The following FOXN2 variants were observed in gnomAD, a reference collection of about 807,000 sequenced individuals.
The protein encoded by FOXN2 is forkhead box protein N2.
Under a neutral mutation model 41.2 loss-of-function variants are expected in FOXN2, and 19 were observed. The observed-to-expected ratio is 0.46, with a 90% CI of 0.32 to 0.68. FOXN2 has a LOEUF of 0.68. FOXN2 is among the 30% of genes least tolerant of loss of function. The probability of loss-of-function intolerance (pLI) is 0.03; values close to 1 mark genes in which losing one functional copy is unlikely to be tolerated. For missense variants in FOXN2, 587 were observed against 509.4 expected (o/e 1.15, Z -1.47); for synonymous variants, 195 against 176.8 (o/e 1.10, Z -0.82).
chr2:48,322,261 AAATT>A (rs755332909), intron 1 of FOXN2, among the ~76,000 whole-genome samples: 123 of 152,246 alleles, frequency 8.1e-4, no homozygotes, highest in Non-Finnish European at 1.1e-3. Context: ...AGGTAGATTT[AAATT>A]AATAGCAGCA....
At chr2:48,325,493 A>C (rs1669600765) in intron 1 of FOXN2, among the ~76,000 whole-genome samples, 1 of 152,234 alleles carries the variant, frequency 6.6e-6, no homozygotes, top group Non-Finnish European at 1.5e-5. Context: ...AAATACCGAA[A>C]GGAAATGTAG....
intron 5 of FOXN2, among the ~76,000 whole-genome samples, chr2:48,371,524 T>G (rs1672894397): frequency 6.6e-6 from 1 of 152,178 alleles, no homozygotes; most frequent in Admixed American, 6.5e-5. Context: ...TTGTAGTATA[T>G]TTTGAGGTCT....
intron 5 of FOXN2, among the ~76,000 whole-genome samples, chr2:48,369,251 A>C (rs1332136724): frequency 6.6e-6 from 1 of 152,198 alleles, no homozygotes; most frequent in East Asian, 1.9e-4. Context: ...AAAAGAAGTG[A>C]AGTTAGGCCA....
chr2:48,340,703 C>G (rs527520689), intron 2 of FOXN2: 148 of 152,150 alleles, frequency 9.7e-4, no homozygotes, highest in African/African-American at 3.4e-3. Flanking sequence ...TAGAGACTGT[C>G]AAAAATTGCC....
chr2:48,346,084 T>TG, intron 2 of FOXN2, 117 bp from the exon 3 acceptor site: 1 of 777,310 alleles, frequency 1.3e-6, no homozygotes, highest in Non-Finnish European at 2.1e-6. Flanking sequence ...TTAAATATTA[T>TG]GTGGGACAAT....
chr2:48,337,287 A>G (rs1270725973), intron 2 of FOXN2, among the ~76,000 whole-genome samples: 1 of 143,020 alleles, frequency 7.0e-6, no homozygotes, highest in Non-Finnish European at 1.5e-5. Flanking sequence ...ATATGATTGG[A>G]TCTCTTTTTT....
At chr2:48,360,136 C>T (rs1056192154) in intron 4 of FOXN2, among the ~76,000 whole-genome samples, 1 of 152,030 alleles carries the variant, frequency 6.6e-6, no homozygotes, top group African/African-American at 2.4e-5. Context: ...CTTCTAGCTT[C>T]CTCATTTTAA....
intron 4 of FOXN2, among the ~76,000 whole-genome samples, chr2:48,361,396 G>A (rs1672173616): frequency 6.6e-6 from 1 of 151,904 alleles, no homozygotes; most frequent in African/African-American, 2.4e-5. Flanking sequence ...GAACCCAGGA[G>A]GCAGAGGTTG....
chr2:48,356,457 A>AT (rs1172747357), intron 3 of FOXN2, among the ~76,000 whole-genome samples: 1 of 152,164 alleles, frequency 6.6e-6, no homozygotes, highest in Admixed American at 6.5e-5. Context: ...AAAAGTTAAT[A>AT]TCCAAGTCTT....
chr2:48,370,904 C>G lies in FOXN2; in HGVS notation c.704-2388C>G, dbSNP rs1027365408. On this transcript the variant is annotated intron_variant, in intron 5 of 6. Transcript: ENST00000340553. ...TCCTGAAGTGTTTCATCTTTGTTTT[C>G]TCCTGGTAGTTTTATCGTTTCAGTT... Among the ~76,000 whole-genome samples, 3 of 152,082 alleles carry G rather than the reference C, an allele frequency of 2.0e-5. No individual in the cohort carries two copies. The East Asian group carries it at 5.8e-4, about 29-fold the overall frequency.
At chr2:48,336,895 A>G (rs1670400619) in intron 2 of FOXN2, among the ~76,000 whole-genome samples, 1 of 152,278 alleles carries the variant, frequency 6.6e-6, no homozygotes, top group Non-Finnish European at 1.5e-5. Context: ...GCAATGTGAA[A>G]TAAGCACATC....
chr2:48,350,912 G>T (rs1671405643), intron 3 of FOXN2, among the ~76,000 whole-genome samples: 1 of 152,136 alleles, frequency 6.6e-6, no homozygotes, highest in Admixed American at 6.5e-5. Flanking sequence ...TCTGCCAAAA[G>T]TAAGAGTTCA....
chr2:48,349,249 G>T, intron 3 of FOXN2, among the ~76,000 whole-genome samples: 1 of 152,168 alleles, frequency 6.6e-6, no homozygotes, highest in East Asian at 1.9e-4. Flanking sequence ...ACTTTGGGAG[G>T]CTGAGACAGG....
intron 2 of FOXN2, among the ~76,000 whole-genome samples, chr2:48,334,429 A>G (rs555703354): frequency 1.8e-4 from 28 of 152,264 alleles, no homozygotes; most frequent in African/African-American, 6.3e-4. Context: ...ATTATGTGCT[A>G]AAATAAAGGA....
At chr2:48,356,146 TA>T (rs1214567883) in intron 3 of FOXN2, among the ~76,000 whole-genome samples, 1 of 151,454 alleles carries the variant, frequency 6.6e-6, no homozygotes, top group African/African-American at 2.4e-5. Flanking sequence ...TAAATAAAAA[TA>T]AAAATAAAAA....
intron 2 of FOXN2, among the ~76,000 whole-genome samples, chr2:48,337,762 C>T (rs1670462558): frequency 6.6e-6 from 1 of 152,042 alleles, no homozygotes; most frequent in African/African-American, 2.4e-5. Flanking sequence ...TGGGAAATGG[C>T]TAATTTGGCA....
intron 3 of FOXN2, among the ~76,000 whole-genome samples, chr2:48,349,193 G>A (rs1432653036): frequency 6.6e-6 from 1 of 152,264 alleles, no homozygotes; most frequent in African/African-American, 2.4e-5. Flanking sequence ...AAAAACATTG[G>A]ATTCAACTTT....
intron 1 of FOXN2, among the ~76,000 whole-genome samples, chr2:48,319,268 A>G (rs1669132785): frequency 6.6e-6 from 1 of 152,002 alleles, no homozygotes; most frequent in South Asian, 2.1e-4. Context: ...TGGAAAAAAA[A>G]ATGAGACTGA....
chr2:48,373,462 C>T, intron 6 of FOXN2, 102 bp downstream of exon 6: 1 of 682,438 alleles, frequency 1.5e-6, no homozygotes. Context: ...TCTTTCCAAC[C>T]AAATTGTATT....
Sources: gnomAD v4.1 joint callset for allele counts (sites outside exome capture counted in the v4.1 genomes callset) on GRCh38, gnomAD v4.1.1 for gene constraint, MANE v1.5 for transcripts, NCBI Gene and HGNC (gene_info 2026-07-23, HGNC 2026-07-21) for gene names.